The following RPTOR variants were observed in gnomAD, a reference collection of about 807,000 sequenced individuals.
RPTOR encodes regulatory associated protein of MTOR complex 1.
A neutral mutation model predicts 169.9 loss-of-function variants in RPTOR; 21 were observed. The ratio of observed to expected loss-of-function variants is 0.12; its 90% CI spans 0.09 to 0.18. RPTOR has a LOEUF of 0.18. Among genes scored for constraint, RPTOR ranks in the 10% least tolerant of loss-of-function variants. The probability of loss-of-function intolerance (pLI) is 1.00; values close to 1 mark genes in which losing one functional copy is unlikely to be tolerated. For synonymous variants in RPTOR, 732 were observed against 753.2 expected (o/e 0.97, Z 0.46); for missense variants, 1,133 against 1,855.9 (o/e 0.61, Z 7.16).
chr17:80,914,306 C>T (rs1054681072), intron 21 of RPTOR, among the ~76,000 whole-genome samples: 2 of 152,216 alleles, frequency 1.3e-5, no homozygotes, highest in Admixed American at 6.5e-5. Context: ...CACCCAGCCA[C>T]AACTCTGGAT....
At chr17:80,841,108 T>A (rs1382414502) in intron 10 of RPTOR, among the ~76,000 whole-genome samples, 9 of 27,042 alleles carry the variant, frequency 3.3e-4, no homozygotes, top group African/African-American at 7.8e-4. Flanking sequence ...GCTCACTCTC[T>A]CTGCACCGCA....
chr17:80,705,214 A>C (rs1411480197), intron 3 of RPTOR, among the ~76,000 whole-genome samples: 3 of 152,270 alleles, frequency 2.0e-5, no homozygotes, highest in African/African-American at 4.8e-5. Context: ...CCGCGTTATC[A>C]GTTGGTTAGC....
intron 1 of RPTOR, among the ~76,000 whole-genome samples, chr17:80,591,154 C>T (rs562694195): frequency 5.3e-5 from 2 of 37,948 alleles, no homozygotes; most frequent in African/African-American, 2.1e-4. Flanking sequence ...CCAGCCCCCT[C>T]CCCTCCCCTC....
In RPTOR at chr17:80,820,566, C is replaced by T. The variant is rs951833960; in HGVS notation, c.891-1635C>T. Among the ~76,000 whole-genome samples, 1 of 152,110 alleles carries T rather than the reference C, an allele frequency of 6.6e-6. No homozygotes were observed. Among genetic ancestry groups the T allele is most frequent in the Non-Finnish European group, 1.5e-5 (1 of 68,016 alleles). On this transcript the variant is annotated intron_variant, in intron 7 of 33. Transcript: ENST00000306801. This position sits in a 1 kb window ranked among gnomAD's most constrained non-coding sequence, Gnocchi z 4.1. The stretch of plus-strand genomic sequence containing the variant: ...GGTGTGCCCCACCCTCACATTCCTC[C>T]GTGGGGCCAAGCTCTGTCGTAGGTT...
Position 80,883,314 on chromosome 17 carries a change from T to C in RPTOR, c.1585-105T>C. On this transcript the variant is annotated intron_variant, in intron 14 of 33. Coordinates refer to ENST00000306801, the MANE Select transcript of RPTOR (RefSeq NM_020761.3). Reference sequence around the variant, plus strand: ...AAGCTGGCTCTCGTTACTTTAATTATGCGCCACGCGTGTCATGAAGATTCC... The same window carrying C: ...AAGCTGGCTCTCGTTACTTTAATTACGCGCCACGCGTGTCATGAAGATTCC... The C allele has an allele frequency of 3.1e-6, 3 of 977,982 alleles. No individual in the cohort carries two copies. In the East Asian group the frequency reaches 7.2e-5, roughly 24 times the overall value. The allele number at this position is 977,982 out of a possible 1,614,324, so 60.6% of individuals were successfully genotyped here. A position where few individuals can be genotyped will look rare whatever the true frequency, so the allele number is the denominator to read the frequency against.
At chr17:80,789,567 C>T (rs897044411) in intron 6 of RPTOR, among the ~76,000 whole-genome samples, 1 of 152,198 alleles carries the variant, frequency 6.6e-6, no homozygotes, top group African/African-American at 2.4e-5. Flanking sequence ...CAGCCTCCGA[C>T]TCGGGGAAGG....
At chr17:80,864,126 A>C (rs867521253) in intron 13 of RPTOR, among the ~76,000 whole-genome samples, 1 of 152,244 alleles carries the variant, frequency 6.6e-6, no homozygotes, top group Non-Finnish European at 1.5e-5. Flanking sequence ...TGACAATTAT[A>C]AACCCACAGA....
At chr17:80,772,096 C>G (rs1250918193) in intron 6 of RPTOR, among the ~76,000 whole-genome samples, 1 of 152,202 alleles carries the variant, frequency 6.6e-6, no homozygotes, top group East Asian at 1.9e-4. Context: ...GCTGGGATTA[C>G]AGGCCTGACA....
Position 80,651,862 on chromosome 17 carries a change from G to A in RPTOR, c.348+8052G>A, listed in dbSNP as rs533991059. Among the ~76,000 whole-genome samples the A allele has an allele frequency of 1.1e-4, 17 of 152,308 alleles. No homozygotes were observed. The highest frequency in any genetic ancestry group is 4.6e-4 in the Admixed American group (7 of 15,300). ...CTACTAAAAATACAAAAAATTAGCC[G>A]GGCGCAGTGGCAGGTGCCTACTGTA... On this transcript the variant is annotated intron_variant, in intron 3 of 33. Coordinates refer to ENST00000306801, the MANE Select transcript of RPTOR (RefSeq NM_020761.3). This position sits in a 1 kb window ranked among gnomAD's most constrained non-coding sequence, Gnocchi z 4.1.
At chr17:80,875,266 C>A (rs972365882) in intron 13 of RPTOR, among the ~76,000 whole-genome samples, 4 of 152,224 alleles carry the variant, frequency 2.6e-5, no homozygotes, top group African/African-American at 9.6e-5. Context: ...CCAGGGGCTC[C>A]TCCTGGTCTC....
At chr17:80,847,524 A>G (rs113069869) in intron 11 of RPTOR, among the ~76,000 whole-genome samples, 3 of 152,180 alleles carry the variant, frequency 2.0e-5, no homozygotes, top group African/African-American at 7.2e-5. Flanking sequence ...TGTTTTTGTG[A>G]TTGGGGTGGT....
intron 21 of RPTOR, among the ~76,000 whole-genome samples, chr17:80,914,590 T>C (rs1300541351): frequency 6.6e-6 from 1 of 152,188 alleles, no homozygotes; most frequent in Non-Finnish European, 1.5e-5. Context: ...CCCACTTCAA[T>C]CTCGGAGCAA....
At chr17:80,693,878 C>A (rs1241460695) in intron 3 of RPTOR, among the ~76,000 whole-genome samples, 1 of 152,210 alleles carries the variant, frequency 6.6e-6, no homozygotes, top group African/African-American at 2.4e-5. Context: ...CAGCAAGAGG[C>A]TGGGGAATGT....
intron 1 of RPTOR, among the ~76,000 whole-genome samples, chr17:80,585,496 G>A (rs1174953394): frequency 1.3e-5 from 2 of 149,430 alleles, no homozygotes; most frequent in African/African-American, 4.9e-5. Context: ...GAGCCACCGC[G>A]GCTGGCCGGT....
rs937842214 is a variant in RPTOR at position 80,878,432 on chromosome 17, C to T, written c.1510-1983C>T. Among the ~76,000 whole-genome samples, 31 of 152,228 alleles carry T rather than the reference C, an allele frequency of 2.0e-4. No homozygotes were observed. The highest frequency in any genetic ancestry group is 5.5e-4 in the African/African-American group (23 of 41,538). On this transcript the variant is annotated intron_variant, in intron 13 of 33. Transcript: ENST00000306801. The surrounding 1 kb of genome is among the most constrained non-coding windows in gnomAD (Gnocchi z 4.1). ...TGCGATCTCAGCTCACTACAGCCTC[C>T]GCCTCCCAGGTTCCAGCGATTCTCC...
At chr17:80,950,215 G>A (rs1051207162) in intron 28 of RPTOR, among the ~76,000 whole-genome samples, 8 of 152,222 alleles carry the variant, frequency 5.3e-5, no homozygotes, top group Admixed American at 3.9e-4. Context: ...GCTCTTCAGC[G>A]GATCCTGCAG....
At chr17:80,888,327 G>A (rs1025412836) in intron 17 of RPTOR, among the ~76,000 whole-genome samples, 10 of 152,102 alleles carry the variant, frequency 6.6e-5, no homozygotes, top group African/African-American at 2.4e-4. Flanking sequence ...GTTGCCCCAG[G>A]CTGGCCTCAA....
intron 11 of RPTOR, among the ~76,000 whole-genome samples, chr17:80,852,304 G>C (rs1003804159): frequency 6.6e-6 from 1 of 152,192 alleles, no homozygotes; most frequent in African/African-American, 2.4e-5. Flanking sequence ...ATTGGGCAGA[G>C]ATGGAGGCAG....
chr17:80,964,418 G>T lies in RPTOR; in HGVS notation c.*88G>T. 2 of 1,333,574 alleles carry T rather than the reference G, an allele frequency of 1.5e-6. No homozygotes were observed. The highest frequency in any genetic ancestry group is 2.3e-5 in the South Asian group (2 of 85,288). The allele number at this position is 1,333,574 out of a possible 1,614,324, so 82.6% of individuals were successfully genotyped here. ...CGGGGCACGGGGCGTCGGCTGCTGCGGCCCCGCAGTGTGAACGTTGGCTGC... is the reference window on the plus strand; with the variant it reads ...CGGGGCACGGGGCGTCGGCTGCTGCTGCCCCGCAGTGTGAACGTTGGCTGC... On this transcript the variant is annotated 3_prime_UTR_variant, in exon 34 of 34. Transcript: ENST00000306801.
Sources: allele counts gnomAD v4.1 joint callset (sites outside exome capture counted in the v4.1 genomes callset), GRCh38; gene constraint gnomAD v4.1.1; non-coding constraint Gnocchi (gnomAD v3.1); transcripts MANE v1.5; gene names NCBI Gene and HGNC (gene_info 2026-07-23, HGNC 2026-07-21).